The following CATSPERB variants were observed in gnomAD, a reference collection of about 807,000 sequenced individuals.
The protein encoded by CATSPERB is catsper channel auxiliary subunit beta.
A neutral mutation model predicts 128.3 loss-of-function variants in CATSPERB; 93 were observed. The observed-to-expected ratio is 0.72, with a 90% confidence interval of 0.61 to 0.86. The LOEUF (loss-of-function observed/expected upper bound fraction) is 0.86, where lower values mean the gene tolerates loss of function less well. CATSPERB is among the 40% of genes least tolerant of loss of function. CATSPERB has a pLI of 0.00. For missense variants in CATSPERB, 1,153 were observed against 1,329.5 expected (o/e 0.87, Z 2.06); for synonymous variants, 381 against 448.8 (o/e 0.85, Z 1.91).
At chr14:91,654,371 G>A (rs1894754129) in intron 15 of CATSPERB, among the ~76,000 whole-genome samples, 1 of 152,184 alleles carries the variant, frequency 6.6e-6, no homozygotes, top group African/African-American at 2.4e-5. Flanking sequence ...CCAGAGTGGG[G>A]CCACTGCCCT....
At chr14:91,692,481 G>C (rs1895489710) in intron 9 of CATSPERB, among the ~76,000 whole-genome samples, 1 of 152,174 alleles carries the variant, frequency 6.6e-6, no homozygotes, top group Non-Finnish European at 1.5e-5. Context: ...CTTTCTCAGA[G>C]ATGGTGAGGA....
intron 22 of CATSPERB, chr14:91,592,342 C>T (rs561291794): frequency 5.5e-5 from 17 of 309,872 alleles, no homozygotes; most frequent in Admixed American, 3.5e-4. Context: ...GGGATCCAGA[C>T]GGAAACATAA....
chr14:91,622,007 A>C, intron 18 of CATSPERB, 70 bp from the exon 19 acceptor site: 3 of 1,007,596 alleles, frequency 3.0e-6, no homozygotes, highest in Admixed American at 2.8e-5. Flanking sequence ...ACTGATGTAC[A>C]TAGCTAACAA....
intron 15 of CATSPERB, among the ~76,000 whole-genome samples, chr14:91,647,361 A>G (rs772622886): frequency 1.3e-5 from 2 of 151,998 alleles, no homozygotes; most frequent in Non-Finnish European, 2.9e-5. Flanking sequence ...CAGGGCCATA[A>G]CTCTTCATTA....
chr14:91,687,938 G>A (rs1039372619), intron 10 of CATSPERB, among the ~76,000 whole-genome samples: 5 of 142,022 alleles, frequency 3.5e-5, no homozygotes, highest in Non-Finnish European at 7.7e-5. Context: ...GGGTGACAGA[G>A]GGAGAGTGTC....
chr14:91,632,577 G>T (rs1451352570), intron 17 of CATSPERB, among the ~76,000 whole-genome samples: 1 of 151,990 alleles, frequency 6.6e-6, no homozygotes, highest in Non-Finnish European at 1.5e-5. Context: ...AGGCAAAATT[G>T]ACACAACTAT....
At chr14:91,614,127 C>T (rs1319805021) in intron 20 of CATSPERB, among the ~76,000 whole-genome samples, 1 of 152,166 alleles carries the variant, frequency 6.6e-6, no homozygotes, top group East Asian at 1.9e-4. Flanking sequence ...GGACCCCGCA[C>T]CCCTCCTGGT....
chr14:91,646,519 C>T (rs917356123), intron 15 of CATSPERB, among the ~76,000 whole-genome samples: 1 of 152,208 alleles, frequency 6.6e-6, no homozygotes, highest in African/African-American at 2.4e-5. Flanking sequence ...TGGCTTCAAC[C>T]TCTCTCTCAG....
Position 91,586,565 on chromosome 14 carries a change from G to GAA in CATSPERB, c.3132+636_3132+637insTT, listed in dbSNP as rs1555358771. On this transcript the variant is annotated intron_variant, in intron 26 of 26. Transcript: ENST00000256343. ...GGAACAGGAGAGAGAGAGAGAGAGA[G>GAA]AGAGAAAGAGAGAGAGAGAGAGAGA... Among the ~76,000 whole-genome samples, 6 of 111,832 alleles carry GAA rather than the reference G, an allele frequency of 5.4e-5. No homozygotes were observed. In the East Asian group the frequency reaches 7.1e-4, roughly 13 times the overall value. 73.4% of individuals were successfully genotyped at this position (111,832 alleles called of 152,430 possible).
intron 5 of CATSPERB, chr14:91,715,093 T>C (rs920447912): frequency 1.3e-5 from 2 of 152,150 alleles, no homozygotes; most frequent in African/African-American, 4.8e-5. Context: ...GCTTCTCTAG[T>C]AACAAACTAT....
At chr14:91,711,906 A>G (rs570050386) in intron 5 of CATSPERB, among the ~76,000 whole-genome samples, 1 of 152,372 alleles carries the variant, frequency 6.6e-6, no homozygotes, top group South Asian at 2.1e-4. Flanking sequence ...AGAAAAATCA[A>G]TAACAGAAAG....
rs535726729 is a variant in CATSPERB, at chr14:91,692,194, A to G, written c.832-639T>C. Among the ~76,000 whole-genome samples the G allele has an allele frequency of 7.7e-3, 1,153 of 150,022 alleles. 10 individuals carry two copies. Among genetic ancestry groups the G allele is most frequent in the Middle Eastern group, 0.058 (17 of 292 alleles). On this transcript the variant is annotated intron_variant, in intron 9 of 26. Coordinates refer to ENST00000256343, the MANE Select transcript of CATSPERB (RefSeq NM_024764.4). ...CAGTCTCAAAAAAAAAAAAAAAAAAAAAGAAGAAGTGTGCTGGCATATGCA... is the reference window on the plus strand; with the variant it reads ...CAGTCTCAAAAAAAAAAAAAAAAAAGAAGAAGAAGTGTGCTGGCATATGCA...
At chr14:91,694,400 T>C (rs1346141066) in intron 7 of CATSPERB, among the ~76,000 whole-genome samples, 1 of 128,834 alleles carries the variant, frequency 7.8e-6, no homozygotes, top group Non-Finnish European at 1.5e-5. Context: ...ACTATGATCA[T>C]GCGACTCCAG....
chr14:91,592,325 C>A, intron 22 of CATSPERB: 1 of 342,496 alleles, frequency 2.9e-6, no homozygotes, highest in Non-Finnish European at 5.4e-6. Flanking sequence ...TGGCCCCTGC[C>A]AGTGCAGGGA....
At chr14:91,592,024 G>A in intron 22 of CATSPERB, 22 bp from the exon 23 acceptor site, 1 of 1,481,636 alleles carries the variant, frequency 6.7e-7, no homozygotes. Context: ...AGTAACAGAT[G>A]TTGACTTGTT....
chr14:91,679,460 T>C (rs1895244066), intron 11 of CATSPERB, among the ~76,000 whole-genome samples: 1 of 152,206 alleles, frequency 6.6e-6, no homozygotes, highest in Non-Finnish European at 1.5e-5. Flanking sequence ...CTATGTCATA[T>C]GCCATATCCA....
At chr14:91,701,661 G>C (rs531620867) in intron 7 of CATSPERB, among the ~76,000 whole-genome samples, 1 of 152,170 alleles carries the variant, frequency 6.6e-6, no homozygotes, top group Admixed American at 6.5e-5. Flanking sequence ...GGGGTAATAA[G>C]TCCAAATTGG....
chr14:91,688,525 C>G lies in CATSPERB; in HGVS notation c.864+2998G>C, dbSNP rs948865753. On this transcript the variant is annotated intron_variant, in intron 10 of 26. Transcript: ENST00000256343. ...TTTTTTATTATTGCCTGTCTTATAT[C>G]TGTTCCTTTTTAAATCCATCTGAAA... is the stretch of plus-strand genomic sequence containing the variant. 6.6e-5 allele frequency among the ~76,000 whole-genome samples: 10 copies of G among 151,860 alleles called. No homozygotes were observed. The East Asian group carries it at 1.9e-3, about 29-fold the overall frequency.
chr14:91,715,406 A>G (rs1895920412), intron 5 of CATSPERB, among the ~76,000 whole-genome samples: 1 of 151,992 alleles, frequency 6.6e-6, no homozygotes, highest in Non-Finnish European at 1.5e-5. Flanking sequence ...TACTAAAAAT[A>G]CAAAAAAATT....
Sources: allele counts gnomAD v4.1 joint callset (sites outside exome capture counted in the v4.1 genomes callset), GRCh38; gene constraint gnomAD v4.1.1; transcripts MANE v1.5; gene names NCBI Gene and HGNC (gene_info 2026-07-23, HGNC 2026-07-21).